Variants in TBL1XR1 observed in about 807,000 individuals in gnomAD.
TBL1XR1 encodes F-box-like/WD repeat-containing protein TBL1XR1.
In TBL1XR1, 5 loss-of-function variants were observed where a neutral mutation model predicts 66.9. The observed-to-expected ratio is 0.07, with a 90% confidence interval of 0.04 to 0.16. The LOEUF (loss-of-function observed/expected upper bound fraction) is 0.16, where lower values mean the gene tolerates loss of function less well. TBL1XR1 is among the 10% of genes least tolerant of loss of function. TBL1XR1 has a pLI of 1.00. For missense variants in TBL1XR1, 238 were observed against 623.2 expected, an observed-to-expected ratio of 0.38 and a Z score of 6.58; for synonymous variants, 210 against 206.0, an observed-to-expected ratio of 1.02 and a Z score of -0.17.
chr3:177,134,023 C>T (rs1205606518), intron 1 of TBL1XR1, among the ~76,000 whole-genome samples: 1 of 151,962 alleles, frequency 6.6e-6, no homozygotes, highest in Non-Finnish European at 1.5e-5. Flanking sequence ...CCTTTTCTTC[C>T]CCGGGCAAAG....
chr3:177,067,367 A>G (rs940219549), intron 2 of TBL1XR1, among the ~76,000 whole-genome samples: 3 of 152,320 alleles, frequency 2.0e-5, no homozygotes, highest in Middle Eastern at 3.4e-3. Flanking sequence ...TTTTCCCCTA[A>G]TATCATTCAG....
At chr3:177,085,728 A>G (rs1237838309) in intron 2 of TBL1XR1, among the ~76,000 whole-genome samples, 1 of 152,230 alleles carries the variant, frequency 6.6e-6, no homozygotes, top group African/African-American at 2.4e-5. Context: ...TTCTGTTTTA[A>G]TAAAAGAAAA....
intron 1 of TBL1XR1, among the ~76,000 whole-genome samples, chr3:177,187,035 C>T (rs560192041): frequency 1.6e-4 from 25 of 152,090 alleles, no homozygotes; most frequent in South Asian, 1.5e-3. Context: ...GGCGTGGTGG[C>T]GGGCCCCTGC....
Position 177,020,670 on chromosome 3 carries a change from C to T in TBL1XR1, c.*4828G>A, listed in dbSNP as rs1351630249. The stretch of plus-strand genomic sequence containing the variant: ...TAAACAAACTGTAAACAAGAAATAC[C>T]ATCCCTCTCTCTTTACCTGACTAGT... On this transcript the variant is annotated 3_prime_UTR_variant, in exon 16 of 16. Transcript: ENST00000457928. 2 of 152,078 alleles carry T rather than the reference C, an allele frequency of 1.3e-5. No homozygotes were observed. The highest frequency in any genetic ancestry group is 2.9e-5 in the Non-Finnish European group (2 of 67,980). 9.4% of individuals were successfully genotyped at this position (152,078 alleles called of 1,614,324 possible).
intron 9 of TBL1XR1, 63 bp downstream of exon 9, chr3:177,047,237 A>G: frequency 4.3e-6 from 6 of 1,388,730 alleles, no homozygotes; most frequent in Non-Finnish European, 5.8e-6. Context: ...AGCTAAGACA[A>G]AATACTGCTT....
Position 177,032,996 on chromosome 3 carries a change from T to C in TBL1XR1, c.1391A>G (p.Lys464Arg). 6.2e-7 allele frequency: 1 copy of C among 1,605,078 alleles called. No individual in the cohort carries two copies. The highest frequency in any genetic ancestry group is 8.5e-7 in the Non-Finnish European group (1 of 1,175,132). Residue 464 changes from lysine to arginine, a missense_variant, in exon 14 of 16, where the codon AAA becomes AGA. Lys to Arg is a conservative substitution (Grantham distance 26, BLOSUM62 2). Transcript: ENST00000457928. ...CTGCGTGTTCCAGATGTGTACACAT[T>C]TGTCAAAAGAACCACTTGCCAGATA... is the stretch of plus-strand genomic sequence containing the variant. ...GRYLASGSFD[K>R]CVHIWNTQTG... is the part of the protein sequence containing the mutation.
chr3:177,051,204 G>C (rs1224478023), intron 5 of TBL1XR1, among the ~76,000 whole-genome samples: 2 of 151,906 alleles, frequency 1.3e-5, no homozygotes, highest in African/African-American at 4.8e-5. Context: ...GTTGGTGCAA[G>C]TTAACAGATG....
intron 2 of TBL1XR1, among the ~76,000 whole-genome samples, chr3:177,081,286 T>C (rs6775004): frequency 0.22 from 33,699 of 152,152 alleles, 4,083 homozygotes; most frequent in East Asian, 0.5. Context: ...TTCATTTACA[T>C]GAAATTTATT....
chr3:177,040,630 AC>A (rs1167044982), intron 10 of TBL1XR1, among the ~76,000 whole-genome samples: 1 of 152,050 alleles, frequency 6.6e-6, no homozygotes, highest in Non-Finnish European at 1.5e-5. Context: ...TCAGAACTAT[AC>A]TGAGATTTTT....
intron 10 of TBL1XR1, among the ~76,000 whole-genome samples, chr3:177,041,444 C>A (rs530057505): frequency 5.9e-5 from 9 of 152,316 alleles, no homozygotes; most frequent in South Asian, 2.1e-4. Context: ...TTCCCTCCCC[C>A]CCATCCTGCT....
At chr3:177,111,432 C>G (rs779831750) in intron 1 of TBL1XR1, among the ~76,000 whole-genome samples, 6 of 152,030 alleles carry the variant, frequency 3.9e-5, no homozygotes, top group Admixed American at 1.3e-4. Flanking sequence ...GCCACCATGC[C>G]AGGCTAATTT....
intron 1 of TBL1XR1, among the ~76,000 whole-genome samples, chr3:177,156,269 G>C (rs1477133413): frequency 6.6e-6 from 1 of 150,384 alleles, no homozygotes; most frequent in Non-Finnish European, 1.5e-5. Context: ...GGGAGGCCAA[G>C]AAGGGCGGAT....
At chr3:177,194,916 G>A (rs1736636756) in intron 1 of TBL1XR1, among the ~76,000 whole-genome samples, 1 of 152,014 alleles carries the variant, frequency 6.6e-6, no homozygotes. Flanking sequence ...TTTACCACCA[G>A]TGTCTCCCAC....
chr3:177,040,021 G>A (rs1418491919), intron 10 of TBL1XR1, among the ~76,000 whole-genome samples: 1 of 152,158 alleles, frequency 6.6e-6, no homozygotes, highest in East Asian at 1.9e-4. Context: ...AAACTTAAAG[G>A]GGAAAAACAG....
At chr3:177,034,398 TTAAAA>T (rs1470340958) in intron 12 of TBL1XR1, 73 bp from the exon 13 acceptor site, 10 of 1,124,502 alleles carry the variant, frequency 8.9e-6, no homozygotes, top group African/African-American at 1.6e-5. Context: ...ATTTTGACAC[TTAAAA>T]TATTATATGG....
At chr3:177,078,709 C>G (rs1274655552) in intron 2 of TBL1XR1, 1 of 151,902 alleles carries the variant, frequency 6.6e-6, no homozygotes, top group Non-Finnish European at 1.5e-5. Context: ...CTTTGGGAGG[C>G]CAAGGCGGAC....
chr3:177,063,065 G>A (rs1443992029), intron 3 of TBL1XR1, among the ~76,000 whole-genome samples: 3 of 151,794 alleles, frequency 2.0e-5, no homozygotes, highest in Non-Finnish European at 2.9e-5. Context: ...ACCCGCCGCC[G>A]AGATCACGCC....
At chr3:177,051,136 T>C (rs1317208724) in intron 5 of TBL1XR1, among the ~76,000 whole-genome samples, 2 of 152,212 alleles carry the variant, frequency 1.3e-5, no homozygotes, top group African/African-American at 4.8e-5. Context: ...ATCTAGCTTT[T>C]TGGAGCTTTA....
At chr3:177,151,205 A>G (rs761941070) in intron 1 of TBL1XR1, among the ~76,000 whole-genome samples, 1 of 152,226 alleles carries the variant, frequency 6.6e-6, no homozygotes, top group Non-Finnish European at 1.5e-5. Flanking sequence ...TGAGAGCCAC[A>G]CATTTTTCAC....
Sources: allele counts gnomAD v4.1 joint callset (sites outside exome capture counted in the v4.1 genomes callset), GRCh38; gene constraint gnomAD v4.1.1; transcripts MANE v1.5; gene names NCBI Gene and HGNC (gene_info 2026-07-23, HGNC 2026-07-21).